Variants in DEFB134 observed in about 807,000 individuals in gnomAD.
DEFB134 encodes defensin beta 134, also known as beta-defensin 134.
In DEFB134, 7 loss-of-function variants were observed where a neutral mutation model predicts 7.4. That is an observed-to-expected ratio of 0.95 (90% confidence interval 0.54 to 1.79). DEFB134 has a LOEUF of 1.79. Among genes scored for constraint, DEFB134 ranks in the 40% most tolerant of loss-of-function variants. DEFB134 has a pLI of 0.00. For missense variants in DEFB134, 105 were observed against 74.8 expected (o/e 1.40, Z -1.49); for synonymous variants, 33 against 25.0 (o/e 1.32, Z -0.96).
upstream of DEFB134, among the ~76,000 whole-genome samples, chr8:11,998,343 T>C (rs867718599): frequency 5.3e-5 from 8 of 151,858 alleles, no homozygotes; most frequent in South Asian, 1.5e-3. Context: ...CCCAATTACT[T>C]GGGAGGTCGA....
chr8:11,997,614 A>G (rs951474025), upstream of DEFB134, among the ~76,000 whole-genome samples: 8 of 152,220 alleles, frequency 5.3e-5, no homozygotes, highest in Non-Finnish European at 1.0e-4. Flanking sequence ...ATGATCAAAA[A>G]GGACAAAGAA....
upstream of DEFB134, among the ~76,000 whole-genome samples, chr8:11,997,436 G>A (rs1800156782): frequency 6.6e-6 from 1 of 152,162 alleles, no homozygotes; most frequent in Admixed American, 6.5e-5. Context: ...AAATATTCAG[G>A]AGTAGAAAGG....
chr8:12,000,165 A>C (rs1800233651), upstream of DEFB134, among the ~76,000 whole-genome samples: 1 of 152,240 alleles, frequency 6.6e-6, no homozygotes, highest in South Asian at 2.1e-4. Context: ...ATGCAGAAGG[A>C]AGCAGCTTCT....
upstream of DEFB134, among the ~76,000 whole-genome samples, chr8:11,997,319 T>C (rs376614386): frequency 3.0e-4 from 46 of 152,348 alleles, no homozygotes; most frequent in East Asian, 3.7e-3. Flanking sequence ...CAGTCACGTA[T>C]TGATTGATGT....
At chr8:11,999,226 G>A (rs1344942751), upstream of DEFB134, 2 of 204,852 alleles carry the variant, frequency 9.8e-6, no homozygotes, top group Admixed American at 5.1e-5. Context: ...TGAAAAGCAG[G>A]TATGGGAGTA....
At chr8:11,999,923 T>C (rs1271738170), upstream of DEFB134, among the ~76,000 whole-genome samples, 2 of 152,192 alleles carry the variant, frequency 1.3e-5, no homozygotes, top group Non-Finnish European at 2.9e-5. Context: ...AAGTACAATA[T>C]GCTCCACGCT....
At chr8:11,998,941 C>T (rs548330468), upstream of DEFB134, 10 of 152,300 alleles carry the variant, frequency 6.6e-5, no homozygotes, top group African/African-American at 2.4e-4. Context: ...CTAGAAGAAA[C>T]TGATAAATGC....
chr8:11,999,708 T>G (rs529954958), upstream of DEFB134, among the ~76,000 whole-genome samples: 1 of 152,216 alleles, frequency 6.6e-6, no homozygotes, highest in Non-Finnish European at 1.5e-5. Context: ...CGTCTCTTGT[T>G]ATCTAGACCT....
At chr8:11,993,519 C>T (rs1800032470) in exon 2 of DEFB134, 1 of 153,150 alleles carries the variant, frequency 6.5e-6, no homozygotes, top group Non-Finnish European at 1.5e-5. Context: ...TAAGCCCTGC[C>T]TATGCGGTTT....
chr8:11,999,711 C>G (rs1213418201), upstream of DEFB134, among the ~76,000 whole-genome samples: 3 of 152,184 alleles, frequency 2.0e-5, no homozygotes, highest in African/African-American at 7.2e-5. Flanking sequence ...CTCTTGTTAT[C>G]TAGACCTCCC....
rs749699037 is a variant in DEFB134, at chr8:11,996,175, C to G, written c.58+19G>C. ...TTCTATATGAAGCACCCCTACCCCC[C>G]AAAATATGCCAGTTTTACCTGCCAG... On this transcript the variant is annotated intron_variant, in intron 1 of 1. Transcript: ENST00000526438. 2.9e-5 allele frequency: 47 copies of G among 1,613,232 alleles called. No individual in the cohort carries two copies. Among genetic ancestry groups the G allele is most frequent in the Non-Finnish European group, 3.8e-5 (45 of 1,179,490 alleles).
At chr8:11,998,255 CT>C (rs1337807840), upstream of DEFB134, among the ~76,000 whole-genome samples, 1 of 151,786 alleles carries the variant, frequency 6.6e-6, no homozygotes, top group Non-Finnish European at 1.5e-5. Context: ...TTAAGGCCAC[CT>C]TGTGCAACAT....
upstream of DEFB134, among the ~76,000 whole-genome samples, chr8:11,997,052 C>G (rs1020238820): frequency 6.6e-6 from 1 of 152,072 alleles, no homozygotes; most frequent in South Asian, 2.1e-4. Flanking sequence ...TTTTTTCATG[C>G]CTTCTGTAAT....
chr8:11,997,761 C>T (rs573821808), upstream of DEFB134, among the ~76,000 whole-genome samples: 1 of 152,130 alleles, frequency 6.6e-6, no homozygotes, highest in Non-Finnish European at 1.5e-5. Flanking sequence ...GATAACCACA[C>T]AATAATAACG....
upstream of DEFB134, among the ~76,000 whole-genome samples, chr8:11,996,532 G>T (rs184451246): frequency 2.2e-4 from 33 of 152,284 alleles, no homozygotes; most frequent in East Asian, 1.7e-3. Context: ...GGAGGCCTGA[G>T]AACTATGTGC....
upstream of DEFB134, among the ~76,000 whole-genome samples, chr8:11,997,632 A>G (rs1800160935): frequency 6.6e-6 from 1 of 152,258 alleles, no homozygotes; most frequent in South Asian, 2.1e-4. Context: ...GAAAGGCATT[A>G]CAAAATGATA....
upstream of DEFB134, among the ~76,000 whole-genome samples, chr8:11,998,862 G>A: frequency 6.6e-6 from 1 of 152,092 alleles, no homozygotes; most frequent in Middle Eastern, 3.2e-3. Flanking sequence ...TATTACCACT[G>A]ACCCCAAAGA....
chr8:11,998,879 A>G (rs968116430), upstream of DEFB134, among the ~76,000 whole-genome samples: 1 of 152,206 alleles, frequency 6.6e-6, no homozygotes, highest in Non-Finnish European at 1.5e-5. Flanking sequence ...AAGAAATGCA[A>G]AAAACCCTCA....
At chr8:11,995,863 A>C (rs983961130) in intron 1 of DEFB134, among the ~76,000 whole-genome samples, 1 of 152,034 alleles carries the variant, frequency 6.6e-6, no homozygotes, top group African/African-American at 2.4e-5. Context: ...CATATTCCAT[A>C]CATGATCTGA....
Sources: gnomAD v4.1 joint callset for allele counts (sites outside exome capture counted in the v4.1 genomes callset) on GRCh38, gnomAD v4.1.1 for gene constraint, MANE v1.5 for transcripts, NCBI Gene and HGNC (gene_info 2026-07-23, HGNC 2026-07-21) for gene names.